The following SEMA3E variants were observed in gnomAD, a reference collection of about 807,000 sequenced individuals.
SEMA3E encodes semaphorin-3E.
Under a neutral mutation model 93.6 loss-of-function variants are expected in SEMA3E, and 49 were observed. The observed-to-expected ratio is 0.52, with a 90% confidence interval of 0.42 to 0.66. The LOEUF (loss-of-function observed/expected upper bound fraction) is 0.66. SEMA3E is among the 30% of genes least tolerant of loss of function. The pLI, the probability that SEMA3E is intolerant of heterozygous loss-of-function variation, is 0.00. For missense variants in SEMA3E, 906 were observed against 964.8 expected, an observed-to-expected ratio of 0.94 and a Z score of 0.81; for synonymous variants, 363 against 330.7, an observed-to-expected ratio of 1.10 and a Z score of -1.06.
intron 1 of SEMA3E, among the ~76,000 whole-genome samples, chr7:83,500,635 C>A (rs1457618224): frequency 2.9e-4 from 33 of 112,628 alleles, no homozygotes; most frequent in Non-Finnish European, 5.2e-5. Flanking sequence ...TCTTGTTGCC[C>A]AGACTGGAGT....
chr7:83,552,919 C>T (rs370411521), intron 1 of SEMA3E, among the ~76,000 whole-genome samples: 1 of 146,884 alleles, frequency 6.8e-6, no homozygotes, highest in African/African-American at 2.7e-5. Flanking sequence ...TTTGTTGGAC[C>T]CTTATCAGTA....
chr7:83,517,093 T>C lies in SEMA3E; in HGVS notation c.116-26819A>G, dbSNP rs146249293. Among the ~76,000 whole-genome samples, 575 of 152,258 alleles carry C rather than the reference T, an allele frequency of 3.8e-3. 3 individuals carry two copies. Among genetic ancestry groups the C allele is most frequent in the Middle Eastern group, 6.8e-3 (2 of 292 alleles). On this transcript the variant is annotated intron_variant, in intron 1 of 16. Transcript: ENST00000643230. ...AAACACCATGCATCTTTAGTATTCC[T>C]ATACCAAGTCGACCTTACTCCTTTC...
intron 1 of SEMA3E, among the ~76,000 whole-genome samples, chr7:83,583,171 G>A (rs73380751): frequency 0.028 from 4,233 of 152,156 alleles, 196 homozygotes; most frequent in African/African-American, 0.097. Context: ...ATCTTTCTAA[G>A]ACTACATGGA....
chr7:83,625,919 G>C (rs1353946492), intron 1 of SEMA3E, among the ~76,000 whole-genome samples: 1 of 151,990 alleles, frequency 6.6e-6, no homozygotes, highest in Non-Finnish European at 1.5e-5. Flanking sequence ...GCATGAAGGG[G>C]TGTTGAATTT....
intron 1 of SEMA3E, among the ~76,000 whole-genome samples, chr7:83,627,316 C>A (rs892005252): frequency 6.6e-6 from 1 of 152,204 alleles, no homozygotes; most frequent in African/African-American, 2.4e-5. Context: ...TAAAGTCTCC[C>A]ACTATTATTG....
chr7:83,511,676 G>C (rs572341239), intron 1 of SEMA3E, among the ~76,000 whole-genome samples: 59 of 152,060 alleles, frequency 3.9e-4, no homozygotes, highest in Non-Finnish European at 7.6e-4. Context: ...CCTGAGTTCA[G>C]GGGTTCGAGA....
At chr7:83,608,708 T>A (rs999567173) in intron 1 of SEMA3E, among the ~76,000 whole-genome samples, 1 of 152,138 alleles carries the variant, frequency 6.6e-6, no homozygotes, top group Non-Finnish European at 1.5e-5. Flanking sequence ...ATGGATTGTC[T>A]TTTGGGGATC....
intron 1 of SEMA3E, among the ~76,000 whole-genome samples, chr7:83,571,467 A>G (rs552339272): frequency 3.9e-5 from 6 of 152,354 alleles, no homozygotes; most frequent in Non-Finnish European, 5.9e-5. Flanking sequence ...AGTTGGTAAC[A>G]AAACCATATG....
In SEMA3E at chr7:83,368,038, C is replaced by T. The variant is rs2116892550; in HGVS notation, c.1876G>A (p.Val626Met). The change falls in exon 17 of 17, where the codon GTG becomes ATG. Residue 626 changes from valine (V) to methionine (M), a missense_variant and splice_region_variant. By Grantham distance (21) the Val-to-Met change is conservative. Transcript: ENST00000643230. ...TTAACCACTCTGTCATCTGTCTTCACCTGCAAAAACAAAAAAGTAAATGGC... is the reference window on the plus strand; with the variant it reads ...TTAACCACTCTGTCATCTGTCTTCATCTGCAAAAACAAAAAAGTAAATGGC... ...QKGRETRKEEVKTDDRVVKMD... is the reference protein window; with the variant it reads ...QKGRETRKEEMKTDDRVVKMD... The T allele has an allele frequency of 9.3e-6, 15 of 1,613,632 alleles. No individual in the cohort carries two copies. The highest frequency in any genetic ancestry group is 1.3e-5 in the Non-Finnish European group (15 of 1,179,900).
Position 83,367,522 on chromosome 7 carries a change from A to ATTTG in SEMA3E, c.*63_*64insCAAA, listed in dbSNP as rs1794687095. On this transcript the variant is annotated 3_prime_UTR_variant, in exon 17 of 17. Coordinates refer to ENST00000643230, the MANE Select transcript of SEMA3E (RefSeq NM_012431.3). ...GTAATGCAAAGAAGTTGGATGATTT[A>ATTTG]TTTTTTTACTTTTTTACTTTCCAAA... The ATTTG allele has an allele frequency of 6.5e-7, 1 of 1,534,992 alleles. No individual in the cohort carries two copies. The highest frequency in any genetic ancestry group is 1.4e-5 in the African/African-American group (1 of 73,016).
At chr7:83,644,714 T>C (rs1794058217) in intron 1 of SEMA3E, among the ~76,000 whole-genome samples, 1 of 151,988 alleles carries the variant, frequency 6.6e-6, no homozygotes, top group Non-Finnish European at 1.5e-5. Context: ...CTCTGAACTA[T>C]GATAAATCTG....
At chr7:83,409,039 G>A (rs1788383692) in intron 5 of SEMA3E, among the ~76,000 whole-genome samples, 1 of 152,102 alleles carries the variant, frequency 6.6e-6, no homozygotes, top group South Asian at 2.1e-4. Context: ...CATTCAATTT[G>A]TAAATTTGTG....
intron 4 of SEMA3E, among the ~76,000 whole-genome samples, chr7:83,455,785 C>G (rs549040800): frequency 6.6e-6 from 1 of 152,258 alleles, no homozygotes; most frequent in African/African-American, 2.4e-5. Context: ...TGGCAAGGAA[C>G]TGCATGTGAC....
chr7:83,600,607 A>C (rs1792974029), intron 1 of SEMA3E, among the ~76,000 whole-genome samples: 1 of 145,568 alleles, frequency 6.9e-6, no homozygotes, highest in African/African-American at 2.6e-5. Flanking sequence ...TCGGCCTCCC[A>C]AAGTGCTGGG....
Position 83,607,393 on chromosome 7 carries a change from A to G in SEMA3E, c.115+41035T>C, listed in dbSNP as rs575984987. Among the ~76,000 whole-genome samples the G allele has an allele frequency of 2.0e-4, 30 of 152,306 alleles. No homozygotes were observed. The South Asian group carries it at 6.0e-3, about 30-fold the overall frequency. On this transcript the variant is annotated intron_variant, in intron 1 of 16. Transcript: ENST00000643230. Reference sequence around the variant, plus strand: ...TCTTTACTCTTGTAATTTCATTGCCATACTGTCTTGTAGAGGCTTTGCTTT... The same window carrying G: ...TCTTTACTCTTGTAATTTCATTGCCGTACTGTCTTGTAGAGGCTTTGCTTT...
At chr7:83,618,641 G>A (rs967959447) in intron 1 of SEMA3E, among the ~76,000 whole-genome samples, 1 of 151,820 alleles carries the variant, frequency 6.6e-6, no homozygotes. Context: ...TGAGTAGCTA[G>A]TATTTTTGTT....
intron 1 of SEMA3E, among the ~76,000 whole-genome samples, chr7:83,539,741 C>G (rs1483900457): frequency 6.6e-6 from 1 of 152,058 alleles, no homozygotes; most frequent in East Asian, 1.9e-4. Context: ...TTATTTTCAT[C>G]TGATGAGTTT....
chr7:83,620,743 C>T (rs1290288614), intron 1 of SEMA3E, among the ~76,000 whole-genome samples: 1 of 152,022 alleles, frequency 6.6e-6, no homozygotes, highest in Non-Finnish European at 1.5e-5. Context: ...AAAATAAAAA[C>T]TATATGATTT....
At chr7:83,399,081 G>A (rs544982876) in intron 11 of SEMA3E, among the ~76,000 whole-genome samples, 1 of 152,222 alleles carries the variant, frequency 6.6e-6, no homozygotes, top group East Asian at 1.9e-4. Flanking sequence ...CTGGGCTTAT[G>A]CCAATATCTC....
Sources: gnomAD v4.1 joint callset for allele counts (sites outside exome capture counted in the v4.1 genomes callset) on GRCh38, gnomAD v4.1.1 for gene constraint, MANE v1.5 for transcripts, NCBI Gene and HGNC (gene_info 2026-07-23, HGNC 2026-07-21) for gene names.